The following FHIP1A variants were observed in gnomAD, a reference collection of about 807,000 sequenced individuals.
FHIP1A encodes FHF complex subunit HOOK interacting protein 1A.
FHIP1A carries 61 observed loss-of-function variants against 88.6 expected under a neutral mutation model. The observed-to-expected ratio is 0.69, with a 90% CI of 0.56 to 0.85. The LOEUF is 0.85. FHIP1A is among the 40% of genes least tolerant of loss of function. FHIP1A has a pLI of 0.00. For synonymous variants in FHIP1A, 478 were observed against 496.0 expected (o/e 0.96, Z 0.48); for missense variants, 1,154 against 1,273.5 (o/e 0.91, Z 1.43).
intron 2 of FHIP1A, among the ~76,000 whole-genome samples, chr4:151,475,383 C>T (rs1458287020): frequency 6.6e-6 from 1 of 152,104 alleles, no homozygotes; most frequent in Non-Finnish European, 1.5e-5. Context: ...AATGAAACAG[C>T]ATTGGGGTAG....
chr4:151,507,264 C>A (rs1430439560), intron 3 of FHIP1A, among the ~76,000 whole-genome samples: 1 of 152,136 alleles, frequency 6.6e-6, no homozygotes, highest in East Asian at 1.9e-4. Flanking sequence ...TCAGGGACCA[C>A]AGGCTTGCAC....
At chr4:151,444,245 A>G (rs1728513028) in intron 1 of FHIP1A, among the ~76,000 whole-genome samples, 1 of 152,152 alleles carries the variant, frequency 6.6e-6, no homozygotes, top group Non-Finnish European at 1.5e-5. Context: ...TCCCTGCATT[A>G]GGGACTCAGG....
At chr4:151,628,774 T>C (rs1411616673) in intron 7 of FHIP1A, among the ~76,000 whole-genome samples, 1 of 152,202 alleles carries the variant, frequency 6.6e-6, no homozygotes, top group Non-Finnish European at 1.5e-5. Context: ...CATTCAGGTG[T>C]GGCTGTTTCT....
chr4:151,563,501 G>A (rs1733253760), intron 3 of FHIP1A, among the ~76,000 whole-genome samples: 1 of 152,150 alleles, frequency 6.6e-6, no homozygotes, highest in East Asian at 1.9e-4. Context: ...TTGACATCAC[G>A]TACCTTAGAC....
intron 3 of FHIP1A, among the ~76,000 whole-genome samples, chr4:151,545,369 C>CTTTTTT (rs569126288): frequency 9.8e-5 from 8 of 81,684 alleles, no homozygotes; most frequent in African/African-American, 1.5e-4. Context: ...CCTTATCCTT[C>CTTTTTT]TTTTTTTTTT....
At chr4:151,648,756 A>T (rs1468042933) in intron 10 of FHIP1A, among the ~76,000 whole-genome samples, 2 of 151,624 alleles carry the variant, frequency 1.3e-5, no homozygotes, top group Non-Finnish European at 2.9e-5. Context: ...GAAATGATAG[A>T]CTATATATTT....
At chr4:151,618,839 C>T (rs2126860212) in intron 7 of FHIP1A, among the ~76,000 whole-genome samples, 1 of 152,356 alleles carries the variant, frequency 6.6e-6, no homozygotes, top group African/African-American at 2.4e-5. Flanking sequence ...CCATTTTCTA[C>T]TACTCCATGA....
intron 3 of FHIP1A, among the ~76,000 whole-genome samples, chr4:151,555,586 G>A (rs187330295): frequency 6.6e-6 from 1 of 151,974 alleles, no homozygotes; most frequent in Non-Finnish European, 1.5e-5. Context: ...TCCTTGAAGG[G>A]GAGGAAAAAC....
At chr4:151,482,867 C>T (rs186341354) in intron 3 of FHIP1A, among the ~76,000 whole-genome samples, 114 of 152,178 alleles carry the variant, frequency 7.5e-4, no homozygotes, top group Non-Finnish European at 1.4e-3. Context: ...TGGTAGCATT[C>T]TTCTAAGCAT....
chr4:151,568,664 G>A (rs1733481459), intron 4 of FHIP1A, among the ~76,000 whole-genome samples: 1 of 152,096 alleles, frequency 6.6e-6, no homozygotes, highest in African/African-American at 2.4e-5. Context: ...TAATTCAGAT[G>A]ACAATGCAAG....
chr4:151,480,827 C>T (rs1172346651), intron 2 of FHIP1A, among the ~76,000 whole-genome samples: 1 of 151,760 alleles, frequency 6.6e-6, no homozygotes, highest in Non-Finnish European at 1.5e-5. Context: ...CACACTGTGT[C>T]CCCCCACCCC....
intron 3 of FHIP1A, among the ~76,000 whole-genome samples, chr4:151,513,146 T>G (rs1408067469): frequency 2.0e-5 from 3 of 152,138 alleles, no homozygotes; most frequent in Admixed American, 6.5e-5. Context: ...GGGGCCAATA[T>G]TCAACATTCT....
intron 3 of FHIP1A, among the ~76,000 whole-genome samples, chr4:151,504,653 G>C (rs914333254): frequency 6.6e-6 from 1 of 151,608 alleles, no homozygotes; most frequent in Non-Finnish European, 1.5e-5. Context: ...ACGGAGTCTT[G>C]TTCTGTCGCC....
intron 3 of FHIP1A, among the ~76,000 whole-genome samples, chr4:151,563,574 T>C (rs1261006776): frequency 4.6e-5 from 7 of 152,204 alleles, no homozygotes; most frequent in Non-Finnish European, 1.0e-4. Flanking sequence ...GACAGACTCA[T>C]ATTTTAGTGA....
intron 1 of FHIP1A, among the ~76,000 whole-genome samples, chr4:151,431,701 A>C (rs1372861113): frequency 1.3e-5 from 2 of 152,216 alleles, no homozygotes; most frequent in African/African-American, 4.8e-5. Context: ...AATACTTTCT[A>C]AACATAATCC....
chr4:151,613,536 A>T (rs1313396936), intron 7 of FHIP1A, among the ~76,000 whole-genome samples: 1 of 152,164 alleles, frequency 6.6e-6, no homozygotes, highest in Non-Finnish European at 1.5e-5. Flanking sequence ...GAAGAGTGTG[A>T]TTGGTCATCT....
intron 1 of FHIP1A, among the ~76,000 whole-genome samples, chr4:151,451,806 C>CTTTTTTTTTTTTTTTTT (rs112946935): frequency 6.8e-6 from 1 of 147,692 alleles, no homozygotes; most frequent in African/African-American, 2.5e-5. Context: ...CTTTTTCTTT[C>CTTTTTTTTTTTTTTTTT]TTTTTTTTCT....
intron 3 of FHIP1A, among the ~76,000 whole-genome samples, chr4:151,511,295 C>T (rs558063086): frequency 2.6e-5 from 4 of 152,236 alleles, no homozygotes; most frequent in South Asian, 4.2e-4. Context: ...AATGCAATCC[C>T]GAGGTGGAGC....
chr4:151,581,096 T>A (rs1277061857), intron 5 of FHIP1A, among the ~76,000 whole-genome samples: 1 of 152,152 alleles, frequency 6.6e-6, no homozygotes, highest in East Asian at 1.9e-4. Context: ...TAACCTCAAG[T>A]GATCTGCCCG....
Sources: gnomAD v4.1 joint callset for allele counts (sites outside exome capture counted in the v4.1 genomes callset) on GRCh38, gnomAD v4.1.1 for gene constraint, MANE v1.5 for transcripts, NCBI Gene and HGNC (gene_info 2026-07-23, HGNC 2026-07-21) for gene names.